PPM1M: variants seen among roughly 807,000 people sequenced by gnomAD.
PPM1M encodes the protein protein phosphatase, Mg2+/Mn2+ dependent 1M, also known as protein phosphatase 1M.
In PPM1M, 44 loss-of-function variants were observed where a neutral mutation model predicts 50.8. The observed-to-expected ratio is 0.87, with a 90% CI of 0.68 to 1.11. PPM1M has a LOEUF of 1.11. Ranked by LOEUF, PPM1M falls within the 50% of genes most tolerant of loss-of-function variation. The probability of loss-of-function intolerance (pLI) is 0.00; values close to 1 mark genes in which losing one functional copy is unlikely to be tolerated. For missense variants in PPM1M, 556 were observed against 593.4 expected, an observed-to-expected ratio of 0.94 and a Z score of 0.66; for synonymous variants, 224 against 242.9, an observed-to-expected ratio of 0.92 and a Z score of 0.72.
intron 7 of PPM1M, 49 bp downstream of exon 7, chr3:52,248,749 C>T (rs746663761): frequency 1.3e-6 from 2 of 1,581,772 alleles, no homozygotes; most frequent in South Asian, 2.2e-5. Context: ...TCATTGTCCC[C>T]TGCAGAGGTG....
At position 52,247,068 on chromosome 3, in the gene PPM1M, G is replaced by A. The variant is rs759162418; in HGVS notation, c.437G>A (p.Arg146Gln). ...AACACCCTGCACTCCTGCTTGCGCC[G>A]GCAGCTGGAGGCCGTGGTGGAAGGC... is the stretch of plus-strand genomic sequence containing the variant. The part of the protein sequence containing the change: ...AANTLHSCLR[R>Q]QLEAVVEGLV... The change falls in exon 3 of 10, where the codon CGG (arginine) becomes CAG (glutamine). Residue 146 changes from arginine (R) to glutamine (Q), a missense_variant. Transcript: ENST00000323588. The A allele has an allele frequency of 2.1e-5, 33 of 1,568,060 alleles. No homozygotes were observed. In the East Asian group the frequency reaches 3.1e-4, roughly 15 times the overall value.
rs746634830 is a variant in PPM1M at position 52,246,995 on chromosome 3, G to A, written c.364G>A (p.Ala122Thr). ...GCAGTTCCTGACAGGCCATTACTGG[G>A]CACTGTTCGATGGGCACGGCGGTCC... ...PEEFLTGHYW[A>T]LFDGHGGPAA... Residue 122 changes from alanine to threonine, a missense_variant, in exon 3 of 10, where the codon GCA (alanine) becomes ACA (threonine). Ala to Thr is a moderately conservative substitution (Grantham distance 58). Transcript: ENST00000323588. 5 of 1,546,468 alleles carry A rather than the reference G, an allele frequency of 3.2e-6. No individual in the cohort carries two copies. The highest frequency in any genetic ancestry group is 3.5e-6 in the Non-Finnish European group (4 of 1,145,394).
Position 52,249,710 on chromosome 3 carries a change from G to A in PPM1M, c.1276G>A (p.Gly426Arg). Residue 426 changes from glycine to arginine, a missense_variant, in exon 10 of 10, where the codon GGA becomes AGA. By Grantham distance (125) the Gly-to-Arg change is moderately radical. Transcript: ENST00000323588. Reference protein sequence around the residue: ...LAQMLIHSTQGKEDSLTEEGQ... With the variant: ...LAQMLIHSTQRKEDSLTEEGQ... ...CCAGATGCTGATACACAGCACACAG[G>A]GAAAGGAAGACAGTCTCACAGAGGA... 7 of 1,613,926 alleles carry A rather than the reference G, an allele frequency of 4.3e-6. No homozygotes were observed. The highest frequency in any genetic ancestry group is 5.1e-6 in the Non-Finnish European group (6 of 1,179,868).
Position 52,249,938 on chromosome 3 carries a change from C to G in PPM1M, c.*124C>G, listed in dbSNP as rs190007002. The stretch of plus-strand genomic sequence containing the variant: ...AGCCACCGCCCAGTGCTCTCACTAT[C>G]CACCTCAACACACATCCATCTCAAG... On this transcript the variant is annotated 3_prime_UTR_variant, in exon 10 of 10. Coordinates refer to ENST00000323588, the MANE Select transcript of PPM1M (RefSeq NM_144641.4). 4.9e-6 allele frequency: 4 copies of G among 818,380 alleles called. No individual in the cohort carries two copies. The African/African-American group carries it at 5.1e-5, about 10-fold the overall frequency. 50.7% of individuals were successfully genotyped at this position (818,380 alleles called of 1,614,324 possible).
chr3:52,248,632 G>A lies in PPM1M; in HGVS notation c.915-5G>A. On this transcript the variant is annotated splice_region_variant and splice_polypyrimidine_tract_variant and intron_variant, in intron 6 of 9. Transcript: ENST00000323588. ...TTGGGTTGATGCTGGCTCTGCTCCT[G>A]GTAGGAGCTACAAACGTGTGGAGAA... 2 of 1,613,768 alleles carry A rather than the reference G, an allele frequency of 1.2e-6. No homozygotes were observed. The highest frequency in any genetic ancestry group is 2.2e-5 in the South Asian group (2 of 91,066).
chr3:52,247,711 C>T lies in PPM1M; in HGVS notation c.627C>T (p.Ala209=), dbSNP rs146546146. Residue 209 remains alanine, a synonymous_variant, in exon 4 of 10, where the codon GCC becomes GCT. Transcript: ENST00000323588. ...CDEVIGRELE[A]SGQMGGCTAL... ...AGGTGATCGGGCGGGAGCTGGAGGCCTCAGGCCAGATGGGCGGCTGCACAG... is the reference window on the plus strand; with the variant it reads ...AGGTGATCGGGCGGGAGCTGGAGGCTTCAGGCCAGATGGGCGGCTGCACAG... 70 of 1,605,992 alleles carry T rather than the reference C, an allele frequency of 4.4e-5. No individual in the cohort carries two copies. The African/African-American group carries it at 8.7e-4, about 20-fold the overall frequency.
In PPM1M at chr3:52,247,809, G is replaced by GCCCACCCTCCAAGGGGT; in HGVS notation, c.710+15_710+16insCCCACCCTCCAAGGGGT. ...GGGGATAGCAGGTGAGTCACCCCTT[G>GCCCACCCTCCAAGGGGT]GAGGGTGGGCAAGGGTGGGATGGGG... On this transcript the variant is annotated intron_variant, in intron 4 of 9. Coordinates refer to ENST00000323588, the MANE Select transcript of PPM1M (RefSeq NM_144641.4). The GCCCACCCTCCAAGGGGT allele has an allele frequency of 6.9e-7, 1 of 1,445,660 alleles. No homozygotes were observed. Among genetic ancestry groups the GCCCACCCTCCAAGGGGT allele is most frequent in the Non-Finnish European group, 9.6e-7 (1 of 1,037,970 alleles). The allele number at this position is 1,445,660 out of a possible 1,614,324, so 89.6% of individuals were successfully genotyped here. A position where few individuals can be genotyped will look rare whatever the true frequency, so the allele number is the denominator to read the frequency against.
Position 52,249,316 on chromosome 3 carries a change from C to T in PPM1M, c.1229C>T (p.Pro410Leu). Residue 410 changes from proline (P) to leucine (L), a missense_variant, in exon 9 of 10, where the codon CCA (proline) becomes CTA (leucine). Coordinates refer to ENST00000323588, the MANE Select transcript of PPM1M (RefSeq NM_144641.4). Reference protein sequence around the residue: ...RSFLPGNQEDPHRFSKLAQML... With the variant: ...RSFLPGNQEDLHRFSKLAQML... ...TTCCTCCCTGGGAACCAAGAGGACC[C>T]ACACAGGTACTGTAGCTGCTGGGGA... The T allele has an allele frequency of 6.3e-7, 1 of 1,599,406 alleles. No individual in the cohort carries two copies. Among genetic ancestry groups the T allele is most frequent in the Non-Finnish European group, 8.5e-7 (1 of 1,172,922 alleles).
At chr3:52,246,377 C>A in intron 1 of PPM1M, 1 of 1,055,374 alleles carries the variant, frequency 9.5e-7, no homozygotes, top group Non-Finnish European at 1.2e-6. Flanking sequence ...ACCATCTCAC[C>A]CTGGGTATGA....
In PPM1M at chr3:52,246,869, T is replaced by C. The variant is rs529741106; in HGVS notation, c.342+57T>C. On this transcript the variant is annotated intron_variant, in intron 2 of 9. Coordinates refer to ENST00000323588, the MANE Select transcript of PPM1M (RefSeq NM_144641.4). Reference sequence around the variant, plus strand: ...CCTCCGACAGGCTGGGGCCACGACCTGCAGGCTGAGGTTCTTACCCTGCTG... The same window carrying C: ...CCTCCGACAGGCTGGGGCCACGACCCGCAGGCTGAGGTTCTTACCCTGCTG... 45 of 1,493,748 alleles carry C rather than the reference T, an allele frequency of 3.0e-5. No individual in the cohort carries two copies. The African/African-American group carries it at 5.6e-4, about 18-fold the overall frequency. 92.5% of individuals were successfully genotyped at this position (1,493,748 alleles called of 1,614,324 possible). A position where few individuals can be genotyped will look rare whatever the true frequency, so the allele number is the denominator to read the frequency against.
intron 1 of PPM1M, 191 bp downstream of exon 1, chr3:52,246,239 C>G: frequency 9.9e-7 from 1 of 1,011,998 alleles, no homozygotes; most frequent in Non-Finnish European, 1.2e-6. Flanking sequence ...GGGATTCCGA[C>G]CTCCCCCTCA....
Position 52,247,422 on chromosome 3 carries a change from GCTAA to G in PPM1M, c.597+197_597+200del, listed in dbSNP as rs202185161. On this transcript the variant is annotated intron_variant, in intron 3 of 9. Transcript: ENST00000323588. ...CTCATTTATCCAGCACCTACTGTGT[GCTAA>G]CTGCTTTTACCTGCATCATCTAATT... 1.1e-3 allele frequency: 881 copies of G among 838,816 alleles called. 3 individuals are homozygous for G. The African/African-American group carries it at 0.011, about 10-fold the overall frequency. 52.0% of individuals were successfully genotyped at this position (838,816 alleles called of 1,614,324 possible). A position where few individuals can be genotyped will look rare whatever the true frequency, so the allele number is the denominator to read the frequency against.
chr3:52,247,666 C>T lies in PPM1M; in HGVS notation c.598-16C>T. 1 of 1,550,510 alleles carries T rather than the reference C, an allele frequency of 6.4e-7. No homozygotes were observed. Among genetic ancestry groups the T allele is most frequent in the Non-Finnish European group, 8.8e-7 (1 of 1,135,082 alleles). On this transcript the variant is annotated splice_polypyrimidine_tract_variant and intron_variant, in intron 3 of 9. Coordinates refer to ENST00000323588, the MANE Select transcript of PPM1M (RefSeq NM_144641.4). ...GCAGAACAGGCAGCAGCTAAGGTGG[C>T]CTCGGTTTTCCCCAGGATGAGGTGA...
At chr3:52,247,279 A>T in intron 3 of PPM1M, 51 bp downstream of exon 3, 6 of 1,548,150 alleles carry the variant, frequency 3.9e-6, no homozygotes, top group Non-Finnish European at 5.2e-6. Flanking sequence ...TGCCCCGGGG[A>T]TCTCAGGAAA....
chr3:52,245,834 G>C lies in PPM1M; in HGVS notation c.10G>C (p.Gly4Arg). MSA[G>R]WFRRRFLPGE... ...CCCCTGCCGCCGCGCCATGTCCGCCGGCTGGTTCCGGCGCCGCTTCCTGCC... is the reference window on the plus strand; with the variant it reads ...CCCCTGCCGCCGCGCCATGTCCGCCCGCTGGTTCCGGCGCCGCTTCCTGCC... The change falls in exon 1 of 10, where the codon GGC becomes CGC. Residue 4 changes from glycine to arginine, a missense_variant. Gly to Arg is a moderately radical substitution (Grantham distance 125). Transcript: ENST00000323588. This position sits in a 1 kb window ranked among gnomAD's most constrained non-coding sequence, Gnocchi z 4.8. 1.9e-6 allele frequency: 2 copies of C among 1,055,792 alleles called. No homozygotes were observed. The highest frequency in any genetic ancestry group is 5.6e-5 in the South Asian group (2 of 35,778). 65.4% of individuals were successfully genotyped at this position (1,055,792 alleles called of 1,614,324 possible).
chr3:52,249,252 G>C lies in PPM1M; in HGVS notation c.1165G>C (p.Val389Leu), dbSNP rs1160130148. The C allele has an allele frequency of 3.7e-6, 6 of 1,613,888 alleles. No homozygotes were observed. Among genetic ancestry groups the C allele is most frequent in the Non-Finnish European group, 5.1e-6 (6 of 1,179,840 alleles). ...VVMATDGLWD[V>L]LSNEQVAWLV... ...CATGGCAACTGATGGACTCTGGGAT[G>C]TACTGTCCAACGAGCAGGTGGCATG... Residue 389 changes from valine to leucine, a missense_variant, in exon 9 of 10, where the codon GTA (valine) becomes CTA (leucine). Transcript: ENST00000323588.
chr3:52,248,147 A>G lies in PPM1M; in HGVS notation c.711-6A>G. On this transcript the variant is annotated splice_polypyrimidine_tract_variant and splice_region_variant and intron_variant, in intron 4 of 9. Coordinates refer to ENST00000323588, the MANE Select transcript of PPM1M (RefSeq NM_144641.4). ...CCTAGACCTCTCCCTTCTCTCCTCA[A>G]TCCAGGGCCATCTTGGTGCGGAGAG... 6.2e-7 allele frequency: 1 copy of G among 1,608,248 alleles called. No individual in the cohort carries two copies. The highest frequency in any genetic ancestry group is 8.5e-7 in the Non-Finnish European group (1 of 1,177,524).
In PPM1M at chr3:52,249,077, G is replaced by A. The variant is rs373506270; in HGVS notation, c.1086+14G>A. 79 of 1,607,650 alleles carry A rather than the reference G, an allele frequency of 4.9e-5. No individual in the cohort carries two copies. The highest frequency in any genetic ancestry group is 6.4e-5 in the Non-Finnish European group (75 of 1,176,828). On this transcript the variant is annotated intron_variant, in intron 8 of 9. Transcript: ENST00000323588. Reference sequence around the variant, plus strand: ...TCTGTGCCACAGGTAAGGGGGCAACGCTGTCCAACCCAGCTTCCATCTGCC... The same window carrying A: ...TCTGTGCCACAGGTAAGGGGGCAACACTGTCCAACCCAGCTTCCATCTGCC...
rs754999503 is a variant in PPM1M at position 52,248,442 on chromosome 3, CAT to C, written c.904_905del (p.Met302GlufsTer23). 107 of 1,613,288 alleles carry C rather than the reference CAT, an allele frequency of 6.6e-5. No homozygotes were observed. Among genetic ancestry groups the C allele is most frequent in the East Asian group, 1.8e-4 (8 of 44,860 alleles). On this transcript the variant is annotated frameshift_variant, in exon 6 of 10. Transcript: ENST00000323588. LOFTEE classifies it high-confidence loss of function. ...GQKVLFRDHH[M>X]SGWSYKRVEK... ...AGAAGGTTTTGTTCAGGGATCACCA[CAT>C]GAGTGGCTGGTGAGTGGGGATGGGG...
Sources: allele counts gnomAD v4.1 joint callset, GRCh38; gene constraint gnomAD v4.1.1; non-coding constraint Gnocchi (gnomAD v3.1); transcripts MANE v1.5; gene names NCBI Gene and HGNC (gene_info 2026-07-23, HGNC 2026-07-21).